Variants in NRXN1 observed in about 807,000 individuals in gnomAD.
NRXN1 encodes neurexin 1, also known as neurexin-1.
Under a neutral mutation model 150.9 loss-of-function variants are expected in NRXN1, and 39 were observed. The ratio of observed to expected loss-of-function variants is 0.26; its 90% confidence interval spans 0.20 to 0.34. NRXN1 has a LOEUF of 0.34. Among genes scored for constraint, NRXN1 ranks in the 10% least tolerant of loss-of-function variants. NRXN1 has a pLI of 1.00. For missense variants in NRXN1, 1,815 were observed against 1,949.9 expected, an observed-to-expected ratio of 0.93 and a Z score of 1.30; for synonymous variants, 924 against 757.0, an observed-to-expected ratio of 1.22 and a Z score of -3.62.
At chr2:50,515,391 T>G (rs1476475904) in intron 12 of NRXN1, among the ~76,000 whole-genome samples, 1 of 152,186 alleles carries the variant, frequency 6.6e-6, no homozygotes, top group African/African-American at 2.4e-5. Flanking sequence ...GGATGATACA[T>G]GTAGTGAAAT....
At chr2:50,624,271 T>C (rs1680591012) in intron 5 of NRXN1, among the ~76,000 whole-genome samples, 1 of 152,248 alleles carries the variant, frequency 6.6e-6, no homozygotes, top group South Asian at 2.1e-4. Context: ...AAAGCTGACA[T>C]TCTTGAAAAT....
chr2:50,420,938 C>T, intron 17 of NRXN1, among the ~76,000 whole-genome samples: 1 of 148,474 alleles, frequency 6.7e-6, no homozygotes, highest in East Asian at 2.0e-4. Context: ...GCATCTGGTC[C>T]TGGTCACCCT....
rs141424618 is a variant in NRXN1 at position 50,189,785 on chromosome 2, C to G, written c.3546+47004G>C. ...TCATTTTATATACAATAGATCTGAA[C>G]TCTAAGAGGCCTGCAATCATTTAAA... On this transcript the variant is annotated intron_variant, in intron 18 of 22. Transcript: ENST00000401669. 2.3e-3 allele frequency among the ~76,000 whole-genome samples: 356 copies of G among 152,182 alleles called. 2 individuals carry two copies. Among genetic ancestry groups the G allele is most frequent in the African/African-American group, 8.1e-3 (337 of 41,552 alleles).
At chr2:50,198,688 G>C (rs532199344) in intron 18 of NRXN1, among the ~76,000 whole-genome samples, 1 of 152,150 alleles carries the variant, frequency 6.6e-6, no homozygotes, top group South Asian at 2.1e-4. Flanking sequence ...TATTCAAGAT[G>C]TCATTAAAGT....
chr2:50,790,141 A>G (rs1223365619), intron 5 of NRXN1, among the ~76,000 whole-genome samples: 1 of 151,160 alleles, frequency 6.6e-6, no homozygotes, highest in Non-Finnish European at 1.5e-5. Context: ...CCCACCACAC[A>G]CACACACACA....
chr2:50,449,010 G>C (rs930888778), intron 17 of NRXN1, among the ~76,000 whole-genome samples: 1 of 152,136 alleles, frequency 6.6e-6, no homozygotes, highest in Non-Finnish European at 1.5e-5. Context: ...GGCCCAGAAC[G>C]AAGCAGAGTT....
At chr2:50,958,469 T>C (rs1692620047) in intron 2 of NRXN1, among the ~76,000 whole-genome samples, 1 of 152,094 alleles carries the variant, frequency 6.6e-6, no homozygotes, top group African/African-American at 2.4e-5. Context: ...TATTGGTGAA[T>C]GCTTTTGTAA....
At chr2:50,597,685 G>A (rs948522440) in intron 8 of NRXN1, among the ~76,000 whole-genome samples, 1 of 152,154 alleles carries the variant, frequency 6.6e-6, no homozygotes, top group African/African-American at 2.4e-5. Context: ...TGTTTCTGAA[G>A]CACTGCAAAA....
intron 8 of NRXN1, among the ~76,000 whole-genome samples, chr2:50,570,150 T>A (rs887282605): frequency 2.6e-5 from 4 of 152,100 alleles, no homozygotes; most frequent in African/African-American, 9.7e-5. Context: ...GAAGCCAATA[T>A]CAAAGCAGGA....
chr2:50,187,589 A>G (rs760693854), intron 18 of NRXN1, among the ~76,000 whole-genome samples: 1 of 152,102 alleles, frequency 6.6e-6, no homozygotes, highest in Non-Finnish European at 1.5e-5. Context: ...TTTTGGATCC[A>G]TATAAAATTT....
At chr2:50,390,647 G>C (rs1468241768) in intron 17 of NRXN1, among the ~76,000 whole-genome samples, 1 of 152,038 alleles carries the variant, frequency 6.6e-6, no homozygotes, top group African/African-American at 2.4e-5. Flanking sequence ...AGGCCATATG[G>C]ATCTTTCCTC....
chr2:50,285,787 G>A (rs988176916), intron 17 of NRXN1, among the ~76,000 whole-genome samples: 2 of 151,758 alleles, frequency 1.3e-5, no homozygotes, highest in Admixed American at 1.3e-4. Flanking sequence ...TTTACGAAAT[G>A]ATCTTCAAAA....
At chr2:50,404,606 T>C (rs2082622443) in intron 17 of NRXN1, among the ~76,000 whole-genome samples, 1 of 152,124 alleles carries the variant, frequency 6.6e-6, no homozygotes, top group African/African-American at 2.4e-5. Flanking sequence ...AACTATAGGC[T>C]CTAGCTAGCT....
At chr2:50,094,637 T>C (rs1699985689) in intron 18 of NRXN1, among the ~76,000 whole-genome samples, 1 of 152,128 alleles carries the variant, frequency 6.6e-6, no homozygotes, top group Admixed American at 6.6e-5. Flanking sequence ...CACTTGTGCA[T>C]TAGGGTTTGT....
chr2:50,707,139 CA>C (rs1694551754), intron 5 of NRXN1, among the ~76,000 whole-genome samples: 2 of 152,004 alleles, frequency 1.3e-5, no homozygotes, highest in Non-Finnish European at 1.5e-5. Flanking sequence ...TTGCTTGGCC[CA>C]ACTTTGATAT....
At chr2:50,029,010 A>G (rs1382939749) in intron 21 of NRXN1, among the ~76,000 whole-genome samples, 2 of 152,188 alleles carry the variant, frequency 1.3e-5, no homozygotes, top group South Asian at 4.1e-4. Context: ...GTTTTCCCCA[A>G]ATTCATATGT....
chr2:50,072,082 T>C (rs1350621719), intron 19 of NRXN1, among the ~76,000 whole-genome samples: 1 of 152,214 alleles, frequency 6.6e-6, no homozygotes, highest in Non-Finnish European at 1.5e-5. Context: ...CATTAATGTA[T>C]ATAGAACAAC....
At chr2:50,984,155 T>C (rs1411258732) in intron 2 of NRXN1, among the ~76,000 whole-genome samples, 1 of 140,028 alleles carries the variant, frequency 7.1e-6, no homozygotes, top group Non-Finnish European at 1.5e-5. Flanking sequence ...TTTTTTTTTT[T>C]TTTTTTTTTA....
intron 16 of NRXN1, among the ~76,000 whole-genome samples, chr2:50,467,741 C>T (rs2089048837): frequency 1.3e-5 from 2 of 150,984 alleles, no homozygotes; most frequent in Non-Finnish European, 3.0e-5. Context: ...ATAAGAAGAC[C>T]TCCCAAATCC....
Sources: gnomAD v4.1 joint callset for allele counts (sites outside exome capture counted in the v4.1 genomes callset) on GRCh38, gnomAD v4.1.1 for gene constraint, MANE v1.5 for transcripts, NCBI Gene and HGNC (gene_info 2026-07-23, HGNC 2026-07-21) for gene names.